SNTG1: variants seen among roughly 807,000 people sequenced by gnomAD.
SNTG1 encodes the protein gamma-1-syntrophin.
In SNTG1, 39 loss-of-function variants were observed where a neutral mutation model predicts 74.7. That is an observed-to-expected ratio of 0.52 (90% CI 0.40 to 0.68). The LOEUF is 0.68. SNTG1 is among the 30% of genes least tolerant of loss of function. The probability of loss-of-function intolerance (pLI) is 0.00; values close to 1 mark genes in which losing one functional copy is unlikely to be tolerated. For missense variants in SNTG1, 685 were observed against 609.5 expected (o/e 1.12, Z -1.30); for synonymous variants, 254 against 217.1 (o/e 1.17, Z -1.49).
chr8:50,260,874 A>G (rs2087157333), intron 2 of SNTG1, among the ~76,000 whole-genome samples: 2 of 152,194 alleles, frequency 1.3e-5, no homozygotes, highest in South Asian at 4.1e-4. Context: ...GGAACATGAA[A>G]GTTTTTCTGT....
In SNTG1 at chr8:50,092,545, C is replaced by G. The variant is rs377704475; in HGVS notation, c.-102-80016C>G. Reference sequence around the variant, plus strand: ...ACACCTGATTTTGGCTTCAGGACTCCCTGATATCCTTGCTGAACTTTCTTC... The same window carrying G: ...ACACCTGATTTTGGCTTCAGGACTCGCTGATATCCTTGCTGAACTTTCTTC... On this transcript the variant is annotated intron_variant, in intron 1 of 18. Coordinates refer to ENST00000642720, the MANE Select transcript of SNTG1 (RefSeq NM_018967.5). 3.3e-5 allele frequency among the ~76,000 whole-genome samples: 5 copies of G among 152,238 alleles called. No individual in the cohort carries two copies. In the South Asian group the frequency reaches 1.0e-3, roughly 32 times the overall value.
chr8:50,409,224 A>G (rs2092917169), intron 4 of SNTG1, among the ~76,000 whole-genome samples: 1 of 152,232 alleles, frequency 6.6e-6, no homozygotes, highest in Admixed American at 6.5e-5. Context: ...CCTATAAAAT[A>G]TTGATCATTT....
chr8:50,266,464 C>T lies in SNTG1; in HGVS notation c.-28+93829C>T, dbSNP rs1029231319. Among the ~76,000 whole-genome samples, 5 of 151,352 alleles carry T rather than the reference C, an allele frequency of 3.3e-5. No homozygotes were observed. In the South Asian group the frequency reaches 6.3e-4, roughly 19 times the overall value. ...ATAGATTATAGGTTTCAATGTAAGA[C>T]CTAATACTATAAAAATCTTACAGAG... On this transcript the variant is annotated intron_variant, in intron 2 of 18. Transcript: ENST00000642720.
chr8:50,692,816 G>A (rs1397486179), intron 15 of SNTG1, among the ~76,000 whole-genome samples: 1 of 152,222 alleles, frequency 6.6e-6, no homozygotes, highest in Non-Finnish European at 1.5e-5. Context: ...GGTTACTGCT[G>A]TCTTTTTGTT....
At chr8:50,764,115 A>G (rs1207966167) in intron 18 of SNTG1, among the ~76,000 whole-genome samples, 2 of 151,790 alleles carry the variant, frequency 1.3e-5, no homozygotes, top group African/African-American at 4.8e-5. Flanking sequence ...AAGAAAATGG[A>G]ATTTTCATGT....
At chr8:50,181,812 C>A (rs2083215667) in intron 2 of SNTG1, among the ~76,000 whole-genome samples, 1 of 151,854 alleles carries the variant, frequency 6.6e-6, no homozygotes, top group Non-Finnish European at 1.5e-5. Flanking sequence ...TTAAAAAGTT[C>A]AATTTGGGCT....
intron 13 of SNTG1, among the ~76,000 whole-genome samples, chr8:50,620,993 G>A (rs1274044122): frequency 1.3e-5 from 2 of 152,112 alleles, no homozygotes; most frequent in Admixed American, 6.5e-5. Flanking sequence ...ATCAGAGCAA[G>A]GGGGTTGGAG....
At chr8:50,295,203 G>T (rs75049551) in intron 2 of SNTG1, among the ~76,000 whole-genome samples, 7,206 of 152,150 alleles carry the variant, frequency 0.047, 212 homozygotes, top group Middle Eastern at 0.099. Context: ...TTTTAAACAA[G>T]AAATAATAAT....
intron 1 of SNTG1, among the ~76,000 whole-genome samples, chr8:50,022,811 G>C (rs1816940950): frequency 1.3e-5 from 2 of 152,126 alleles, no homozygotes; most frequent in African/African-American, 4.8e-5. Context: ...TTAAGTGAAG[G>C]GTTGAGGGTG....
intron 1 of SNTG1, among the ~76,000 whole-genome samples, chr8:49,986,625 C>G (rs1421469408): frequency 6.6e-6 from 1 of 151,554 alleles, no homozygotes; most frequent in Admixed American, 6.6e-5. Context: ...GTAATCCCAG[C>G]ACTTTTGGAG....
intron 1 of SNTG1, among the ~76,000 whole-genome samples, chr8:49,916,883 G>C (rs1316803972): frequency 6.6e-6 from 1 of 151,758 alleles, no homozygotes; most frequent in Non-Finnish European, 1.5e-5. Context: ...AATAATATCT[G>C]GGTGTGGTGA....
At chr8:49,912,551 G>A (rs1207707240) in intron 1 of SNTG1, among the ~76,000 whole-genome samples, 3 of 152,076 alleles carry the variant, frequency 2.0e-5, no homozygotes, top group Admixed American at 6.6e-5. Flanking sequence ...GTTGTCTTAT[G>A]TATGCCATAA....
intron 1 of SNTG1, among the ~76,000 whole-genome samples, chr8:49,974,194 G>A (rs1811975062): frequency 6.6e-6 from 1 of 152,144 alleles, no homozygotes; most frequent in Admixed American, 6.6e-5. Flanking sequence ...AGTAACGATA[G>A]CCCGATAAAA....
At chr8:50,025,017 T>G (rs57563226) in intron 1 of SNTG1, among the ~76,000 whole-genome samples, 6,980 of 152,076 alleles carry the variant, frequency 0.046, 540 homozygotes, top group African/African-American at 0.16. Context: ...ACTAAAACCT[T>G]AGCAAGTGAA....
Position 50,794,223 on chromosome 8 carries a change from T to G in SNTG1, c.*1394T>G, listed in dbSNP as rs556499502. The G allele has an allele frequency of 6.6e-6, 1 of 152,052 alleles. No homozygotes were observed. Among genetic ancestry groups the G allele is most frequent in the East Asian group, 1.9e-4 (1 of 5,182 alleles). The allele number at this position is 152,052 out of a possible 1,614,324, so 9.4% of individuals were successfully genotyped here. A position where few individuals can be genotyped will look rare whatever the true frequency, so the allele number is the denominator to read the frequency against. On this transcript the variant is annotated 3_prime_UTR_variant, in exon 19 of 19. Transcript: ENST00000642720. ...AAGTATCTAATAAATTGATTCAATTTTTTTTTTCAAATATGTTTTTAAAAA... is the reference window on the plus strand; with the variant it reads ...AAGTATCTAATAAATTGATTCAATTGTTTTTTTCAAATATGTTTTTAAAAA...
intron 4 of SNTG1, among the ~76,000 whole-genome samples, chr8:50,427,032 G>A (rs1458392687): frequency 1.3e-5 from 2 of 152,088 alleles, no homozygotes; most frequent in Non-Finnish European, 2.9e-5. Flanking sequence ...TGAGGGACTT[G>A]AGCATCTGAA....
chr8:50,542,455 C>A (rs1012929085), intron 11 of SNTG1, among the ~76,000 whole-genome samples: 3 of 152,036 alleles, frequency 2.0e-5, no homozygotes, highest in Admixed American at 1.3e-4. Context: ...CCGCACCTGG[C>A]CAAATGTATA....
intron 8 of SNTG1, 44 bp downstream of exon 8, chr8:50,450,773 A>C (rs141950143): frequency 1.1e-5 from 17 of 1,591,722 alleles, no homozygotes; most frequent in Non-Finnish European, 1.4e-5. Flanking sequence ...CCCATGTGCA[A>C]ATAAGAATTT....
intron 3 of SNTG1, among the ~76,000 whole-genome samples, chr8:50,394,903 C>A (rs1412447582): frequency 1.4e-5 from 2 of 143,512 alleles, no homozygotes; most frequent in African/African-American, 5.2e-5. Context: ...TTTCATTCTT[C>A]AGGCAAAATA....
Sources: allele counts gnomAD v4.1 joint callset (sites outside exome capture counted in the v4.1 genomes callset), GRCh38; gene constraint gnomAD v4.1.1; transcripts MANE v1.5; gene names NCBI Gene and HGNC (gene_info 2026-07-23, HGNC 2026-07-21).